Variants in PTPRM observed in about 807,000 individuals in gnomAD.
PTPRM encodes receptor-type tyrosine-protein phosphatase mu.
In PTPRM, 47 loss-of-function variants were observed where a neutral mutation model predicts 186.7. That is an observed-to-expected ratio of 0.25 (90% CI 0.20 to 0.32). The LOEUF (loss-of-function observed/expected upper bound fraction) is 0.32, where lower values mean the gene tolerates loss of function less well. PTPRM is among the 10% of genes least tolerant of loss of function. The pLI is 1.00. For synonymous variants in PTPRM, 668 were observed against 674.9 expected, an observed-to-expected ratio of 0.99 and a Z score of 0.16; for missense variants, 1,494 against 1,865.0, an observed-to-expected ratio of 0.80 and a Z score of 3.66.
chr18:8,211,377 CTT>C (rs970926126), intron 14 of PTPRM, among the ~76,000 whole-genome samples: 46 of 87,220 alleles, frequency 5.3e-4, no homozygotes, highest in African/African-American at 1.3e-3. Flanking sequence ...GTCTCTTCTT[CTT>C]TTTTTTTTTT....
At chr18:8,333,786 C>T (rs1023838911) in intron 22 of PTPRM, among the ~76,000 whole-genome samples, 3 of 152,192 alleles carry the variant, frequency 2.0e-5, no homozygotes, top group African/African-American at 7.2e-5. Flanking sequence ...GCCCAGGTTT[C>T]CTGCAGCTGC....
At position 8,176,138 on chromosome 18, in the gene PTPRM, T is replaced by C. The variant is rs114339062; in HGVS notation, c.2300+32359T>C. Among the ~76,000 whole-genome samples, 507 of 152,296 alleles carry C rather than the reference T, an allele frequency of 3.3e-3. 2 individuals carry two copies. Among genetic ancestry groups the C allele is most frequent in the African/African-American group, 0.012 (481 of 41,554 alleles). ...ATTTATGAGCTTATATTGTTAATAGTTTCCTGAGGGAAAATTCATCCAGTA... is the reference window on the plus strand; with the variant it reads ...ATTTATGAGCTTATATTGTTAATAGCTTCCTGAGGGAAAATTCATCCAGTA... On this transcript the variant is annotated intron_variant, in intron 14 of 32. Transcript: ENST00000580170.
chr18:7,662,532 A>G (rs1485262888), intron 1 of PTPRM, among the ~76,000 whole-genome samples: 2 of 152,154 alleles, frequency 1.3e-5, no homozygotes, highest in African/African-American at 2.4e-5. Flanking sequence ...ATTCATGGAA[A>G]TAGAGAGTAG....
intron 19 of PTPRM, among the ~76,000 whole-genome samples, chr18:8,291,552 A>C (rs2095043297): frequency 6.6e-6 from 1 of 152,188 alleles, no homozygotes; most frequent in Non-Finnish European, 1.5e-5. Context: ...TAAAGCATTC[A>C]ATATTCAGTT....
At chr18:8,126,027 A>ATATATAT (rs57751538) in intron 13 of PTPRM, among the ~76,000 whole-genome samples, 13 of 69,510 alleles carry the variant, frequency 1.9e-4, no homozygotes, top group African/African-American at 4.2e-4. Flanking sequence ...ATATATATAT[A>ATATATAT]TTTTAAATCA....
rs2095330092 is a variant in PTPRM at position 8,319,216 on chromosome 18, T to G, written c.2956+2T>G. On this transcript the variant is annotated splice_donor_variant, in intron 22 of 32. Coordinates refer to ENST00000580170, the MANE Select transcript of PTPRM (RefSeq NM_001105244.2). LOFTEE classifies it high-confidence loss of function. ...CCAATCATTACATTGCTACCCAAGG[T>G]AAGTTTATTTCTACTTTGTTGTCTT... 1 of 1,557,818 alleles carries G rather than the reference T, an allele frequency of 6.4e-7. No homozygotes were observed. The highest frequency in any genetic ancestry group is 8.8e-7 in the Non-Finnish European group (1 of 1,132,738).
At chr18:8,270,306 T>G (rs893641565) in intron 19 of PTPRM, 7 of 150,490 alleles carry the variant, frequency 4.7e-5, no homozygotes, top group Admixed American at 4.0e-4. Context: ...ATACAAATGG[T>G]CAATAGGTAT....
intron 5 of PTPRM, among the ~76,000 whole-genome samples, chr18:7,947,330 AGGTTAACCACTCT>A (rs1238736021): frequency 7.9e-5 from 12 of 152,096 alleles, no homozygotes; most frequent in Non-Finnish European, 1.8e-4. Context: ...GGCTCTATGA[AGGTTAACCACTCT>A]GGATGATCAC....
intron 1 of PTPRM, among the ~76,000 whole-genome samples, chr18:7,704,072 C>T (rs938074491): frequency 5.9e-5 from 9 of 151,996 alleles, no homozygotes; most frequent in Admixed American, 2.6e-4. Context: ...GGATTTGCTT[C>T]GTCAGTATTT....
At chr18:7,711,643 G>C (rs2040215568) in intron 1 of PTPRM, among the ~76,000 whole-genome samples, 1 of 152,164 alleles carries the variant, frequency 6.6e-6, no homozygotes, top group South Asian at 2.1e-4. Context: ...GGACTTGGTG[G>C]GGGGAGTGGC....
intron 31 of PTPRM, among the ~76,000 whole-genome samples, chr18:8,392,603 G>A (rs1055076117): frequency 2.0e-5 from 3 of 151,938 alleles, no homozygotes; most frequent in African/African-American, 7.3e-5. Flanking sequence ...CTCCAGCCTG[G>A]GTGACAGAGT....
intron 1 of PTPRM, among the ~76,000 whole-genome samples, chr18:7,746,000 T>A (rs903149960): frequency 6.6e-6 from 1 of 151,844 alleles, no homozygotes; most frequent in Non-Finnish European, 1.5e-5. Context: ...ATGAGACAAA[T>A]GGACATGGTG....
In PTPRM at chr18:7,649,058, G is replaced by T. The variant is rs899578266; in HGVS notation, c.73+81167G>T. On this transcript the variant is annotated intron_variant, in intron 1 of 32. Transcript: ENST00000580170. ...CTTTAAGTTGAAGCCAATGCTTATT[G>T]ACCATTTTGAAAAATCCTAGGGCCC... is the stretch of plus-strand genomic sequence containing the variant. Among the ~76,000 whole-genome samples, 5 of 152,176 alleles carry T rather than the reference G, an allele frequency of 3.3e-5. 1 individual carries two copies. Among genetic ancestry groups the T allele is most frequent in the Non-Finnish European group, 4.4e-5 (3 of 68,038 alleles).
At chr18:8,250,280 A>G (rs1033247170) in intron 17 of PTPRM, among the ~76,000 whole-genome samples, 4 of 152,162 alleles carry the variant, frequency 2.6e-5, no homozygotes, top group African/African-American at 9.7e-5. Flanking sequence ...GGATCGATAG[A>G]TAGACAGACA....
At chr18:8,397,172 G>T (rs1568908235) in intron 32 of PTPRM, among the ~76,000 whole-genome samples, 1 of 152,208 alleles carries the variant, frequency 6.6e-6, no homozygotes, top group East Asian at 1.9e-4. Context: ...GGCAGGCTAG[G>T]GTGCAATAGA....
At position 8,174,899 on chromosome 18, in the gene PTPRM, C is replaced by T. The variant is rs897054133; in HGVS notation, c.2300+31120C>T. 3.9e-5 allele frequency among the ~76,000 whole-genome samples: 6 copies of T among 152,366 alleles called. 1 individual carries two copies. Among genetic ancestry groups the T allele is most frequent in the Admixed American group, 1.3e-4 (2 of 15,302 alleles). ...ATGGTCCACGCATTTGTCTCTCTGA[C>T]AGTCCCTGTGCTTTGGAGAAAAGGC... On this transcript the variant is annotated intron_variant, in intron 14 of 32. Coordinates refer to ENST00000580170, the MANE Select transcript of PTPRM (RefSeq NM_001105244.2).
intron 7 of PTPRM, among the ~76,000 whole-genome samples, chr18:8,031,325 A>G (rs1262639018): frequency 1.3e-5 from 2 of 152,150 alleles, no homozygotes; most frequent in Non-Finnish European, 2.9e-5. Flanking sequence ...TCTATGAAAT[A>G]TGTTGGCTAG....
At chr18:8,206,891 G>A (rs1311809232) in intron 14 of PTPRM, among the ~76,000 whole-genome samples, 1 of 152,088 alleles carries the variant, frequency 6.6e-6, no homozygotes, top group East Asian at 1.9e-4. Flanking sequence ...AGAATGTGAA[G>A]AGACACGGGG....
At chr18:8,000,224 T>C (rs995561436) in intron 7 of PTPRM, among the ~76,000 whole-genome samples, 5 of 152,194 alleles carry the variant, frequency 3.3e-5, no homozygotes, top group African/African-American at 1.2e-4. Context: ...CTTGTCAACC[T>C]GACACATAAA....
Sources: gnomAD v4.1 joint callset for allele counts (sites outside exome capture counted in the v4.1 genomes callset) on GRCh38, gnomAD v4.1.1 for gene constraint, MANE v1.5 for transcripts, NCBI Gene and HGNC (gene_info 2026-07-23, HGNC 2026-07-21) for gene names.